Variants in USP21 observed in about 807,000 individuals in gnomAD.
USP21 encodes the protein ubiquitin carboxyl-terminal hydrolase 21.
Under a neutral mutation model 70.8 loss-of-function variants are expected in USP21, and 37 were observed. The ratio of observed to expected loss-of-function variants is 0.52; its 90% CI spans 0.40 to 0.69. USP21 has a LOEUF of 0.69. USP21 is among the 30% of genes least tolerant of loss of function. The probability of loss-of-function intolerance (pLI) is 0.00; values close to 1 mark genes in which losing one functional copy is unlikely to be tolerated. For synonymous variants in USP21, 263 were observed against 283.1 expected (o/e 0.93, Z 0.71); for missense variants, 584 against 740.8 (o/e 0.79, Z 2.46).
At chr1:161,165,240 A>G in intron 13 of USP21, 97 bp downstream of exon 13, 3 of 1,429,768 alleles carry the variant, frequency 2.1e-6, no homozygotes, top group Non-Finnish European at 3.0e-6. Flanking sequence ...TGCCAGGTGA[A>G]AGGAGAGGTG....
rs1359430515 is a variant in USP21, at chr1:161,165,087, C to G, written c.1551C>G (p.Gly517=). 6.2e-7 allele frequency: 1 copy of G among 1,614,048 alleles called. No individual in the cohort carries two copies. The highest frequency in any genetic ancestry group is 2.2e-5 in the East Asian group (1 of 44,876). Residue 517 remains glycine, a synonymous_variant, in exon 13 of 14, where the codon GGC becomes GGG. Coordinates refer to ENST00000368002, the MANE Select transcript of USP21 (RefSeq NM_001014443.3). ...LCNHSGSVHY[G]HYTALCRCQT... Reference sequence around the variant, plus strand: ...ACCACTCAGGCAGCGTCCACTATGGCCACTACACAGCCCTGTGCCGGTGCC... The same window carrying G: ...ACCACTCAGGCAGCGTCCACTATGGGCACTACACAGCCCTGTGCCGGTGCC...
At position 161,163,088 on chromosome 1, in the gene USP21, C is replaced by T; in HGVS notation, c.1049+14C>T. The T allele has an allele frequency of 6.4e-7, 1 of 1,572,424 alleles. No individual in the cohort carries two copies. The highest frequency in any genetic ancestry group is 8.6e-7 in the Non-Finnish European group (1 of 1,160,216). ...ACCTGAGTTAAGGTAAGGGTCGTTC[C>T]CTCTACCTCCTTTCCCCGTAGTTTA... On this transcript the variant is annotated intron_variant, in intron 7 of 13. Transcript: ENST00000368002.
Position 161,161,846 on chromosome 1 carries a change from A to G in USP21, c.601-192A>G. On this transcript the variant is annotated intron_variant, in intron 3 of 13. Coordinates refer to ENST00000368002, the MANE Select transcript of USP21 (RefSeq NM_001014443.3). The surrounding 1 kb of genome is among the most constrained non-coding windows in gnomAD (Gnocchi z 4.2). ...ACAGCCATGGCTGAGTCCGTGGTAC[A>G]TTCAGCTGTGATGGGCTTACTGCTC... The G allele has an allele frequency of 1.6e-6, 1 of 630,668 alleles. No individual in the cohort carries two copies. 39.1% of individuals were successfully genotyped at this position (630,668 alleles called of 1,614,324 possible). A position where few individuals can be genotyped will look rare whatever the true frequency, so the allele number is the denominator to read the frequency against.
Position 161,161,921 on chromosome 1 carries a change from A to G in USP21, c.601-117A>G, listed in dbSNP as rs1418195615. 1 of 973,012 alleles carries G rather than the reference A, an allele frequency of 1.0e-6. No individual in the cohort carries two copies. Among genetic ancestry groups the G allele is most frequent in the African/African-American group, 1.6e-5 (1 of 62,704 alleles). 60.3% of individuals were successfully genotyped at this position (973,012 alleles called of 1,614,324 possible). A position where few individuals can be genotyped will look rare whatever the true frequency, so the allele number is the denominator to read the frequency against. ...GAATACCTAGTGAGGGGAATAGGGT[A>G]GAGTTTGGGGATGAAACATGCATGG... is the stretch of plus-strand genomic sequence containing the variant. On this transcript the variant is annotated intron_variant, in intron 3 of 13. Coordinates refer to ENST00000368002, the MANE Select transcript of USP21 (RefSeq NM_001014443.3). This position sits in a 1 kb window ranked among gnomAD's most constrained non-coding sequence, Gnocchi z 4.2.
rs774851750 is a variant in USP21, at chr1:161,162,195, G to A, written c.661-75G>A. The A allele has an allele frequency of 2.6e-5, 42 of 1,613,156 alleles. No homozygotes were observed. In the Middle Eastern group the frequency reaches 4.9e-4, roughly 19 times the overall value. On this transcript the variant is annotated intron_variant, in intron 4 of 13. Transcript: ENST00000368002. This position sits in a 1 kb window ranked among gnomAD's most constrained non-coding sequence, Gnocchi z 4.1. The stretch of plus-strand genomic sequence containing the variant: ...AGCTTGGGGAAGGCATGTGGAAGGA[G>A]AGCTCTGAAGCTCTTCTAAGGCTTC...
Position 161,160,760 on chromosome 1 carries a change from C to CCCAG in USP21, c.123_126dup (p.Gly44LeufsTer18). On this transcript the variant is annotated frameshift_variant, in exon 3 of 14. Transcript: ENST00000368002. LOFTEE classifies it high-confidence loss of function. ...GGGCCCGCAGCAAGGAGCGCAGAAA[C>CCCAG]CCAGCCTCTGGGCCAAACCCCATGT... is the stretch of plus-strand genomic sequence containing the variant. 1 of 1,614,230 alleles carries CCCAG rather than the reference C, an allele frequency of 6.2e-7. No individual in the cohort carries two copies. The highest frequency in any genetic ancestry group is 8.5e-7 in the Non-Finnish European group (1 of 1,180,054).
rs568118134 is a variant in USP21 at position 161,161,779 on chromosome 1, C to T, written c.601-259C>T. 90 of 524,526 alleles carry T rather than the reference C, an allele frequency of 1.7e-4. No homozygotes were observed. Among genetic ancestry groups the T allele is most frequent in the African/African-American group, 1.2e-3 (63 of 52,378 alleles). The allele number at this position is 524,526 out of a possible 1,614,324, so 32.5% of individuals were successfully genotyped here. A position where few individuals can be genotyped will look rare whatever the true frequency, so the allele number is the denominator to read the frequency against. ...GGGGGAGTTGCCCCAGGAGCTGCAA[C>T]GTCAGCTAGCTGAGCAGAGGAGTAA... is the stretch of plus-strand genomic sequence containing the variant. On this transcript the variant is annotated intron_variant, in intron 3 of 13. Coordinates refer to ENST00000368002, the MANE Select transcript of USP21 (RefSeq NM_001014443.3). The surrounding 1 kb of genome is among the most constrained non-coding windows in gnomAD (Gnocchi z 4.2).
At position 161,165,394 on chromosome 1, in the gene USP21, G is replaced by A; in HGVS notation, c.1645G>A (p.Glu549Lys). ...PVSENQVASS[E>K]GYVLFYQLMQ... is the part of the protein sequence containing the mutation. ...CAGTGAAAACCAGGTGGCATCCAGC[G>A]AGGGCTACGTGCTGTTCTACCAACT... The change falls in exon 14 of 14, where the codon GAG (glutamate) becomes AAG (lysine). Residue 549 changes from glutamate to lysine, a missense_variant. This residue lies in a region of USP21 where 173 missense variants were observed against 268.2 expected (regional missense o/e 0.65). Coordinates refer to ENST00000368002, the MANE Select transcript of USP21 (RefSeq NM_001014443.3). The A allele has an allele frequency of 6.2e-7, 1 of 1,614,054 alleles. No individual in the cohort carries two copies. Among genetic ancestry groups the A allele is most frequent in the Non-Finnish European group, 8.5e-7 (1 of 1,180,012 alleles).
chr1:161,161,049 G>C lies in USP21; in HGVS notation c.409G>C (p.Ala137Pro), dbSNP rs1013474720. 1 of 1,614,116 alleles carries C rather than the reference G, an allele frequency of 6.2e-7. No individual in the cohort carries two copies. The highest frequency in any genetic ancestry group is 8.5e-7 in the Non-Finnish European group (1 of 1,180,050). ...GCACCGTGGCACCGGAGAGCTTGGGGCTGCACTGAGCCGCTTGGCCCTCCG... is the reference window on the plus strand; with the variant it reads ...GCACCGTGGCACCGGAGAGCTTGGGCCTGCACTGAGCCGCTTGGCCCTCCG... ...GGHRGTGELG[A>P]ALSRLALRPE... The change falls in exon 3 of 14, where the codon GCT becomes CCT. Residue 137 changes from alanine to proline, a missense_variant. Coordinates refer to ENST00000368002, the MANE Select transcript of USP21 (RefSeq NM_001014443.3). The surrounding 1 kb of genome is among the most constrained non-coding windows in gnomAD (Gnocchi z 4.2).
chr1:161,161,350 C>A lies in USP21; in HGVS notation c.600+110C>A. Reference sequence around the variant, plus strand: ...CCCTGAAGTTCCTTTCTCAGCCCTTCATTACAGCAGTTTGGACATGCCTCT... The same window carrying A: ...CCCTGAAGTTCCTTTCTCAGCCCTTAATTACAGCAGTTTGGACATGCCTCT... On this transcript the variant is annotated intron_variant, in intron 3 of 13. Coordinates refer to ENST00000368002, the MANE Select transcript of USP21 (RefSeq NM_001014443.3). The surrounding 1 kb of genome is among the most constrained non-coding windows in gnomAD (Gnocchi z 4.2). 1 of 1,379,210 alleles carries A rather than the reference C, an allele frequency of 7.3e-7. No individual in the cohort carries two copies. The highest frequency in any genetic ancestry group is 9.8e-7 in the Non-Finnish European group (1 of 1,023,898). 85.4% of individuals were successfully genotyped at this position (1,379,210 alleles called of 1,614,324 possible).
Position 161,162,808 on chromosome 1 carries a change from T to G in USP21, c.893+82T>G. The G allele has an allele frequency of 6.3e-7, 1 of 1,580,068 alleles. No homozygotes were observed. The highest frequency in any genetic ancestry group is 1.1e-5 in the South Asian group (1 of 90,066). ...AGCAAGGGCCCTGGCAGCATTGTTC[T>G]GAGCCTTGAGATGTTCTTCATCCAG... On this transcript the variant is annotated intron_variant, in intron 6 of 13. Coordinates refer to ENST00000368002, the MANE Select transcript of USP21 (RefSeq NM_001014443.3). The surrounding 1 kb of genome is among the most constrained non-coding windows in gnomAD (Gnocchi z 4.1).
chr1:161,164,807 TC>T lies in USP21; in HGVS notation c.1385-25del. The T allele has an allele frequency of 1.2e-6, 2 of 1,607,560 alleles. No homozygotes were observed. Among genetic ancestry groups the T allele is most frequent in the Non-Finnish European group, 1.7e-6 (2 of 1,176,134 alleles). Reference sequence around the variant, plus strand: ...AAGTTCCCCTCAGAGGCCCACTGCCTCCCAAATGCTCCTTAACCAGGGCTTA... The same window carrying T: ...AAGTTCCCCTCAGAGGCCCACTGCCTCCAAATGCTCCTTAACCAGGGCTTA... On this transcript the variant is annotated intron_variant, in intron 11 of 13. Coordinates refer to ENST00000368002, the MANE Select transcript of USP21 (RefSeq NM_001014443.3). The surrounding 1 kb of genome is among the most constrained non-coding windows in gnomAD (Gnocchi z 4.2).
At chr1:161,163,405 A>T (rs1658109938) in intron 7 of USP21, 150 bp from the exon 8 acceptor site, 1 of 728,634 alleles carries the variant, frequency 1.4e-6, no homozygotes, top group Admixed American at 2.6e-5. Flanking sequence ...TCATTGAGGC[A>T]TTATTCTTTT....
Position 161,164,089 on chromosome 1 carries a change from G to A in USP21, c.1219-75G>A, listed in dbSNP as rs928323181. ...CCCTGTGGGTTTCTGGAGCAGAACT[G>A]AAGCCTGGATTGATTGAGAAGAGTT... On this transcript the variant is annotated intron_variant, in intron 9 of 13. Transcript: ENST00000368002. This position sits in a 1 kb window ranked among gnomAD's most constrained non-coding sequence, Gnocchi z 4.2. The A allele has an allele frequency of 1.3e-6, 2 of 1,590,680 alleles. No homozygotes were observed. The highest frequency in any genetic ancestry group is 1.3e-5 in the African/African-American group (1 of 74,446).
rs113431717 is a variant in USP21, at chr1:161,164,307, G to C, written c.1305+57G>C. On this transcript the variant is annotated intron_variant, in intron 10 of 13. Coordinates refer to ENST00000368002, the MANE Select transcript of USP21 (RefSeq NM_001014443.3). This position sits in a 1 kb window ranked among gnomAD's most constrained non-coding sequence, Gnocchi z 4.2. Reference sequence around the variant, plus strand: ...GGTGGGAGACCTGGGGGGACTCCATGTGGATAAAAGGGATTGCATGATGTC... The same window carrying C: ...GGTGGGAGACCTGGGGGGACTCCATCTGGATAAAAGGGATTGCATGATGTC... The C allele has an allele frequency of 3.3e-6, 5 of 1,518,518 alleles. No individual in the cohort carries two copies. The highest frequency in any genetic ancestry group is 3.4e-4 in the Middle Eastern group (2 of 5,904). The allele number at this position is 1,518,518 out of a possible 1,614,324, so 94.1% of individuals were successfully genotyped here. A position where few individuals can be genotyped will look rare whatever the true frequency, so the allele number is the denominator to read the frequency against.
Position 161,164,507 on chromosome 1 carries a change from AC to A in USP21, c.1306-25del, listed in dbSNP as rs1558007058. The A allele has an allele frequency of 6.2e-7, 1 of 1,613,956 alleles. No individual in the cohort carries two copies. The highest frequency in any genetic ancestry group is 1.7e-5 in the Admixed American group (1 of 60,028). On this transcript the variant is annotated intron_variant, in intron 10 of 13. Transcript: ENST00000368002. This position sits in a 1 kb window ranked among gnomAD's most constrained non-coding sequence, Gnocchi z 4.2. ...GCCAATTGAGGTTAGGAGCATATTA[AC>A]CTAACACTGTTTGCCATTTATTCAG... is the stretch of plus-strand genomic sequence containing the variant.
Position 161,161,086 on chromosome 1 carries a change from C to G in USP21, c.446C>G (p.Pro149Arg). 1 of 1,614,250 alleles carries G rather than the reference C, an allele frequency of 6.2e-7. No homozygotes were observed. Among genetic ancestry groups the G allele is most frequent in the Non-Finnish European group, 8.5e-7 (1 of 1,180,052 alleles). ...LSRLALRPEPPTLRRSTSLRR... is the reference protein window; with the variant it reads ...LSRLALRPEPRTLRRSTSLRR... The stretch of plus-strand genomic sequence containing the variant: ...CGCTTGGCCCTCCGGCCTGAGCCAC[C>G]CACTTTGAGACGTAGCACTTCTCTC... The change falls in exon 3 of 14, where the codon CCC (proline) becomes CGC (arginine). Residue 149 changes from proline to arginine, a missense_variant. Transcript: ENST00000368002. The surrounding 1 kb of genome is among the most constrained non-coding windows in gnomAD (Gnocchi z 4.2).
In USP21 at chr1:161,165,012, C is replaced by G; in HGVS notation, c.1493-17C>G. On this transcript the variant is annotated splice_polypyrimidine_tract_variant and intron_variant, in intron 12 of 13. Coordinates refer to ENST00000368002, the MANE Select transcript of USP21 (RefSeq NM_001014443.3). Reference sequence around the variant, plus strand: ...CACAGCTCTGATTATAGAACTTGATCATCTCCAACCCCGCAGGAAGTCCTG... The same window carrying G: ...CACAGCTCTGATTATAGAACTTGATGATCTCCAACCCCGCAGGAAGTCCTG... 1.2e-6 allele frequency: 2 copies of G among 1,613,642 alleles called. No homozygotes were observed. The highest frequency in any genetic ancestry group is 4.5e-5 in the East Asian group (2 of 44,872).
At position 161,165,351 on chromosome 1, in the gene USP21, TC is replaced by T; in HGVS notation, c.1608-4del. ...ACAACCCTTTCCCGATCTCCTTTTT[TC>T]CTAGTGTCTCCCCTGTCAGTGAAAA... On this transcript the variant is annotated splice_region_variant and splice_polypyrimidine_tract_variant and intron_variant, in intron 13 of 13. Transcript: ENST00000368002. The T allele has an allele frequency of 6.2e-7, 1 of 1,613,732 alleles. No individual in the cohort carries two copies. Among genetic ancestry groups the T allele is most frequent in the Non-Finnish European group, 8.5e-7 (1 of 1,179,668 alleles).
Sources: allele counts gnomAD v4.1 joint callset, GRCh38; gene constraint gnomAD v4.1.1; regional missense constraint gnomAD v4.1.1; non-coding constraint Gnocchi (gnomAD v3.1); transcripts MANE v1.5; gene names NCBI Gene and HGNC (gene_info 2026-07-23, HGNC 2026-07-21).